The following MACROD2 variants were observed in gnomAD, a reference collection of about 807,000 sequenced individuals.
MACROD2 encodes mono-ADP ribosylhydrolase 2, also known as ADP-ribose glycohydrolase MACROD2.
In MACROD2, 36 loss-of-function variants were observed where a neutral mutation model predicts 70.4. The ratio of observed to expected loss-of-function variants is 0.51; its 90% CI spans 0.39 to 0.68. MACROD2 has a LOEUF of 0.68. Among genes scored for constraint, MACROD2 ranks in the 30% least tolerant of loss-of-function variants. MACROD2 has a pLI of 0.00. For missense variants in MACROD2, 496 were observed against 538.4 expected (o/e 0.92, Z 0.78); for synonymous variants, 172 against 178.8 (o/e 0.96, Z 0.30).
At chr20:14,882,197 G>C (rs2073618290) in intron 5 of MACROD2, among the ~76,000 whole-genome samples, 2 of 152,152 alleles carry the variant, frequency 1.3e-5, no homozygotes, top group South Asian at 4.1e-4. Flanking sequence ...ACTTTCCAGA[G>C]CTTGGCCCAG....
chr20:15,187,004 C>T (rs2076539031), intron 5 of MACROD2, among the ~76,000 whole-genome samples: 1 of 152,046 alleles, frequency 6.6e-6, no homozygotes, highest in Non-Finnish European at 1.5e-5. Context: ...TCTTTGTAAT[C>T]CTATATATTG....
At chr20:15,175,093 C>A (rs1335322904) in intron 5 of MACROD2, among the ~76,000 whole-genome samples, 1 of 151,948 alleles carries the variant, frequency 6.6e-6, no homozygotes, top group East Asian at 1.9e-4. Context: ...GAATACTATG[C>A]AGCCATAAAA....
intron 5 of MACROD2, among the ~76,000 whole-genome samples, chr20:15,066,363 A>C (rs1225947984): frequency 6.6e-6 from 1 of 151,196 alleles, no homozygotes; most frequent in Non-Finnish European, 1.5e-5. Flanking sequence ...CGAACTCCCG[A>C]CCTCAGGTGA....
intron 5 of MACROD2, among the ~76,000 whole-genome samples, chr20:15,149,624 G>C (rs1046404989): frequency 1.3e-5 from 2 of 152,028 alleles, no homozygotes; most frequent in African/African-American, 4.8e-5. Flanking sequence ...TGGAAGTTAT[G>C]AGAGCTGTAG....
intron 3 of MACROD2, among the ~76,000 whole-genome samples, chr20:14,357,936 A>G (rs2083188419): frequency 6.6e-6 from 1 of 152,228 alleles, no homozygotes; most frequent in African/African-American, 2.4e-5. Context: ...GATCTCACAC[A>G]AAGTCATCTC....
intron 4 of MACROD2, among the ~76,000 whole-genome samples, chr20:14,506,326 A>G (rs1033170111): frequency 1.3e-5 from 2 of 152,170 alleles, no homozygotes; most frequent in Non-Finnish European, 2.9e-5. Context: ...GCCAAGAAGA[A>G]TATAAAAGCC....
intron 11 of MACROD2, 50 bp downstream of exon 11, chr20:15,933,388 T>C (rs1189580534): frequency 6.5e-7 from 1 of 1,529,004 alleles, no homozygotes; most frequent in Admixed American, 1.7e-5. Context: ...TCTGCAGAGG[T>C]GAACAGTAAC....
intron 5 of MACROD2, among the ~76,000 whole-genome samples, chr20:15,042,491 C>T (rs559743901): frequency 6.6e-5 from 10 of 152,128 alleles, no homozygotes; most frequent in African/African-American, 1.9e-4. Context: ...ACTCTCGCCC[C>T]TTATAGTTTA....
At chr20:14,892,621 A>C (rs1277867233) in intron 5 of MACROD2, 2 of 152,172 alleles carry the variant, frequency 1.3e-5, no homozygotes, top group African/African-American at 4.8e-5. Flanking sequence ...TTGTTATGCA[A>C]TAGATCTCTA....
intron 6 of MACROD2, among the ~76,000 whole-genome samples, chr20:15,353,143 A>G (rs2078246827): frequency 6.6e-6 from 1 of 150,612 alleles, no homozygotes; most frequent in African/African-American, 2.4e-5. Context: ...TGGTACTGGT[A>G]CCAAAACAGA....
At chr20:15,204,449 T>G (rs2076684072) in intron 5 of MACROD2, among the ~76,000 whole-genome samples, 1 of 152,140 alleles carries the variant, frequency 6.6e-6, no homozygotes, top group African/African-American at 2.4e-5. Flanking sequence ...TTTTTATTAT[T>G]AGCTCTCTGA....
intron 6 of MACROD2, among the ~76,000 whole-genome samples, chr20:15,230,474 A>G (rs1165869886): frequency 2.6e-5 from 4 of 152,162 alleles, no homozygotes; most frequent in Non-Finnish European, 4.4e-5. Flanking sequence ...TTTAATCTCT[A>G]TGTACATGCA....
intron 3 of MACROD2, among the ~76,000 whole-genome samples, chr20:14,464,177 G>C (rs1456424485): frequency 6.6e-6 from 1 of 151,856 alleles, no homozygotes; most frequent in African/African-American, 2.4e-5. Context: ...ACTTTTTTTG[G>C]TTGGTAAGCT....
At chr20:15,436,202 G>A (rs767506654) in intron 7 of MACROD2, among the ~76,000 whole-genome samples, 4 of 151,704 alleles carry the variant, frequency 2.6e-5, no homozygotes, top group Admixed American at 6.6e-5. Flanking sequence ...TCATGCTGCC[G>A]ATAAAGAAAT....
chr20:15,414,842 G>A (rs1369012628), intron 6 of MACROD2, among the ~76,000 whole-genome samples: 1 of 152,162 alleles, frequency 6.6e-6, no homozygotes, highest in Non-Finnish European at 1.5e-5. Flanking sequence ...AGTAACATTA[G>A]CATCACCTGG....
intron 8 of MACROD2, among the ~76,000 whole-genome samples, chr20:15,526,404 G>A (rs1239839752): frequency 6.6e-6 from 1 of 152,156 alleles, no homozygotes; most frequent in Non-Finnish European, 1.5e-5. Context: ...GAGAATATTT[G>A]GGGCTAAACT....
intron 5 of MACROD2, among the ~76,000 whole-genome samples, chr20:14,803,280 A>T (rs1486093740): frequency 6.6e-6 from 1 of 152,078 alleles, no homozygotes; most frequent in Non-Finnish European, 1.5e-5. Flanking sequence ...AATTGAAGGG[A>T]AATACAGGGT....
intron 4 of MACROD2, among the ~76,000 whole-genome samples, chr20:14,588,014 T>G (rs1191688957): frequency 1.3e-5 from 2 of 152,164 alleles, no homozygotes; most frequent in African/African-American, 4.8e-5. Flanking sequence ...TCCAATGTTA[T>G]CTGTCTTTTT....
chr20:14,485,704 A>T (rs1459008202), intron 3 of MACROD2, among the ~76,000 whole-genome samples: 1 of 96,444 alleles, frequency 1.0e-5, no homozygotes, highest in Non-Finnish European at 2.1e-5. Context: ...TCCGTCTCAA[A>T]AAAAAAAAAA....
Sources: gnomAD v4.1 joint callset for allele counts (sites outside exome capture counted in the v4.1 genomes callset) on GRCh38, gnomAD v4.1.1 for gene constraint, MANE v1.5 for transcripts, NCBI Gene and HGNC (gene_info 2026-07-23, HGNC 2026-07-21) for gene names.